The following NSUN4 variants were observed in gnomAD, a reference collection of about 807,000 sequenced individuals.
NSUN4 encodes NOP2/Sun RNA methyltransferase 4, also known as 5-cytosine rRNA methyltransferase NSUN4.
Under a neutral mutation model 43.8 loss-of-function variants are expected in NSUN4, and 31 were observed. That is an observed-to-expected ratio of 0.71 (90% CI 0.53 to 0.96). The LOEUF is 0.96. NSUN4 is among the 40% of genes least tolerant of loss of function. The pLI, the probability that NSUN4 is intolerant of heterozygous loss-of-function variation, is 0.00. For missense variants in NSUN4, 439 were observed against 475.6 expected (o/e 0.92, Z 0.72); for synonymous variants, 167 against 184.1 (o/e 0.91, Z 0.75).
At chr1:46,353,137 C>T in intron 4 of NSUN4, 109 bp downstream of exon 4, 1 of 1,035,744 alleles carries the variant, frequency 9.7e-7, no homozygotes, top group Non-Finnish European at 1.4e-6. Context: ...GCATGTAGAG[C>T]TGTTTCTGGA....
At chr1:46,360,249 A>AAAAAAAAATATAT (rs1553177947) in intron 4 of NSUN4, among the ~76,000 whole-genome samples, 2 of 25,738 alleles carry the variant, frequency 7.8e-5, no homozygotes, top group African/African-American at 2.6e-4. Flanking sequence ...AAAAAAAAAA[A>AAAAAAAAATATAT]ATATATATAT....
Position 46,340,884 on chromosome 1 carries a change from A to G in NSUN4, c.58A>G (p.Thr20Ala). The G allele has an allele frequency of 6.2e-7, 1 of 1,613,332 alleles. No homozygotes were observed. Among genetic ancestry groups the G allele is most frequent in the Non-Finnish European group, 8.5e-7 (1 of 1,179,668 alleles). Residue 20 changes from threonine to alanine, a missense_variant, in exon 1 of 6, where the codon ACG becomes GCG. Coordinates refer to ENST00000474844, the MANE Select transcript of NSUN4 (RefSeq NM_199044.4). ...RELLKRVDLATVPRRHRYKKK... is the reference protein window; with the variant it reads ...RELLKRVDLAAVPRRHRYKKK... ...GCTGCTGAAGCGTGTGGACCTCGCGACGGTCCCGCGGAGACATCGATATAA... is the reference window on the plus strand; with the variant it reads ...GCTGCTGAAGCGTGTGGACCTCGCGGCGGTCCCGCGGAGACATCGATATAA...
At chr1:46,368,056 C>T (rs1234817816), downstream of NSUN4, among the ~76,000 whole-genome samples, 7 of 152,224 alleles carry the variant, frequency 4.6e-5, no homozygotes, top group Non-Finnish European at 7.4e-5. Flanking sequence ...TGAGCCACTG[C>T]GCCCAGCCAC....
rs772264516 is a variant in NSUN4, at chr1:46,360,711, T to C, written c.761T>C (p.Val254Ala). The C allele has an allele frequency of 3.7e-6, 6 of 1,613,896 alleles. No homozygotes were observed. The highest frequency in any genetic ancestry group is 4.2e-6 in the Non-Finnish European group (5 of 1,179,832). Reference protein sequence around the residue: ...LEGDTYDRVLVDVPCTTDRHS... With the variant: ...LEGDTYDRVLADVPCTTDRHS... ...CTTTAACACTCTGGGTAGGTGCTGGTGGATGTGCCCTGTACCACAGACCGC... is the reference window on the plus strand; with the variant it reads ...CTTTAACACTCTGGGTAGGTGCTGGCGGATGTGCCCTGTACCACAGACCGC... The change falls in exon 5 of 6, where the codon GTG becomes GCG. Residue 254 changes from valine (V) to alanine (A), a missense_variant. Transcript: ENST00000474844.
At chr1:46,366,557 G>C (rs67547686), downstream of NSUN4, among the ~76,000 whole-genome samples, 34,041 of 151,798 alleles carry the variant, frequency 0.22, 4,291 homozygotes, top group Non-Finnish European at 0.29. Context: ...CCTAAAAAAA[G>C]AGAAGGGGGT....
chr1:46,358,511 T>C (rs11802866), intron 4 of NSUN4, among the ~76,000 whole-genome samples: 59,001 of 149,210 alleles, frequency 0.4, 11,686 homozygotes, highest in South Asian at 0.51. Flanking sequence ...AAGCGATTCT[T>C]CTGCCTCAGC....
chr1:46,355,887 A>AC (rs1414676370), intron 4 of NSUN4, among the ~76,000 whole-genome samples: 1 of 151,844 alleles, frequency 6.6e-6, no homozygotes, highest in Non-Finnish European at 1.5e-5. Context: ...GGTGGCAGGC[A>AC]CCTGTAATCC....
chr1:46,360,669 A>G (rs749263997), intron 4 of NSUN4, 35 bp from the exon 5 acceptor site: 3 of 1,607,098 alleles, frequency 1.9e-6, no homozygotes, highest in Non-Finnish European at 2.6e-6. Context: ...GCCTATAAGG[A>G]TCTTTAATAC....
At chr1:46,369,985 C>T (rs1336059805), downstream of NSUN4, among the ~76,000 whole-genome samples, 1 of 152,170 alleles carries the variant, frequency 6.6e-6, no homozygotes, top group Non-Finnish European at 1.5e-5. Flanking sequence ...GAAAGTCAGT[C>T]CTGTCCTTAA....
In NSUN4 at chr1:46,362,464, T is replaced by A. The variant is rs1289591040; in HGVS notation, c.*618T>A. The A allele has an allele frequency of 1.3e-5, 2 of 152,562 alleles. No homozygotes were observed. Among genetic ancestry groups the A allele is most frequent in the African/African-American group, 2.4e-5 (1 of 41,462 alleles). 9.5% of individuals were successfully genotyped at this position (152,562 alleles called of 1,614,324 possible). ...CCTCTGAGCTGAATAATTCTGGCCA[T>A]TCCTGCTGTCAACAATACTGCTGCC... On this transcript the variant is annotated 3_prime_UTR_variant, in exon 6 of 6. Coordinates refer to ENST00000474844, the MANE Select transcript of NSUN4 (RefSeq NM_199044.4).
chr1:46,373,449 A>C, the NSUN4 span, among the ~76,000 whole-genome samples: 1 of 152,208 alleles, frequency 6.6e-6, no homozygotes, highest in Admixed American at 6.5e-5. Context: ...TATTTCTTTC[A>C]GTTCTGGTGG....
downstream of NSUN4, among the ~76,000 whole-genome samples, chr1:46,366,002 C>A (rs1664125990): frequency 6.6e-6 from 1 of 152,082 alleles, no homozygotes; most frequent in Non-Finnish European, 1.5e-5. Flanking sequence ...GTGGCACATA[C>A]CTGTGATTCC....
In NSUN4 at chr1:46,345,061, A is replaced by G. The variant is rs1473535899; in HGVS notation, c.354A>G (p.Pro118=). Residue 118 remains proline, a synonymous_variant, in exon 2 of 6, where the codon CCA becomes CCG. Coordinates refer to ENST00000474844, the MANE Select transcript of NSUN4 (RefSeq NM_199044.4). ...LQSEGGQSAA[P]SPASWACSPN... ...CTGAGGGTGGCCAATCTGCAGCCCC[A>G]TCCCCTGCCTCCTGGGCCTGCAGTC... The G allele has an allele frequency of 1.2e-6, 2 of 1,614,144 alleles. No individual in the cohort carries two copies. Among genetic ancestry groups the G allele is most frequent in the Non-Finnish European group, 1.7e-6 (2 of 1,180,014 alleles).
chr1:46,360,250 AT>A (rs1319874284), intron 4 of NSUN4, among the ~76,000 whole-genome samples: 4,345 of 18,140 alleles, frequency 0.24, 337 homozygotes, highest in Admixed American at 0.3. Context: ...AAAAAAAAAA[AT>A]ATATATATAT....
At chr1:46,370,151 G>A (rs1283789330), downstream of NSUN4, among the ~76,000 whole-genome samples, 2 of 152,150 alleles carry the variant, frequency 1.3e-5, no homozygotes, top group South Asian at 2.1e-4. Context: ...AGAACTGGGG[G>A]AATTGGGAGT....
the NSUN4 span, among the ~76,000 whole-genome samples, chr1:46,383,249 A>G: frequency 6.6e-6 from 1 of 152,272 alleles, no homozygotes; most frequent in Admixed American, 6.5e-5. Context: ...GAGGAGGGGC[A>G]GGGGGTGGAC....
chr1:46,349,664 G>T (rs987311894), intron 3 of NSUN4, among the ~76,000 whole-genome samples: 5 of 152,178 alleles, frequency 3.3e-5, no homozygotes, highest in African/African-American at 1.2e-4. Context: ...TCAGCATCCA[G>T]CCTTATGATA....
chr1:46,360,799 A>G lies in NSUN4; in HGVS notation c.849A>G (p.Ile283Met). Residue 283 changes from isoleucine (I) to methionine (M), a missense_variant, in exon 5 of 6, where the codon ATA becomes ATG. By Grantham distance (10) the Ile-to-Met change is conservative. Transcript: ENST00000474844. ...GGTCAAGGAAGAAGGAGCGACAGATATTGCCTGTGCTGCAAGTGCAGCTTC... is the reference window on the plus strand; with the variant it reads ...GGTCAAGGAAGAAGGAGCGACAGATGTTGCCTGTGCTGCAAGTGCAGCTTC... ...FKRSRKKERQ[I>M]LPVLQVQLLA... The G allele has an allele frequency of 1.2e-6, 2 of 1,614,022 alleles. No individual in the cohort carries two copies. The highest frequency in any genetic ancestry group is 1.6e-4 in the Middle Eastern group (1 of 6,062).
rs1664088482 is a variant in NSUN4 at position 46,364,858 on chromosome 1, CATG to C, written c.*3018_*3020del. On this transcript the variant is annotated 3_prime_UTR_variant, in exon 6 of 6. Transcript: ENST00000474844. ...ACCAGGATGGATGCCTCACATAGAT[CATG>C]ATGATTCAATCCAAAGGCACTTTGC... The C allele has an allele frequency of 6.6e-6, 1 of 152,166 alleles. No homozygotes were observed. Among genetic ancestry groups the C allele is most frequent in the African/African-American group, 2.4e-5 (1 of 41,432 alleles). 9.4% of individuals were successfully genotyped at this position (152,166 alleles called of 1,614,324 possible).
Sources: allele counts gnomAD v4.1 joint callset (sites outside exome capture counted in the v4.1 genomes callset), GRCh38; gene constraint gnomAD v4.1.1; transcripts MANE v1.5; gene names NCBI Gene and HGNC (gene_info 2026-07-23, HGNC 2026-07-21).